The following FHIP1A variants were observed in gnomAD, a reference collection of about 807,000 sequenced individuals.
The protein encoded by FHIP1A is FHF complex subunit HOOK interacting protein 1A, also known as FHF complex subunit HOOK-interacting protein 1A.
In FHIP1A, 61 loss-of-function variants were observed where a neutral mutation model predicts 88.6. That is an observed-to-expected ratio of 0.69 (90% confidence interval 0.56 to 0.85). The LOEUF is 0.85. Among genes scored for constraint, FHIP1A ranks in the 40% least tolerant of loss-of-function variants. FHIP1A has a pLI of 0.00. For synonymous variants in FHIP1A, 478 were observed against 496.0 expected (o/e 0.96, Z 0.48); for missense variants, 1,154 against 1,273.5 (o/e 0.91, Z 1.43).
chr4:151,543,873 A>G (rs956974863), intron 3 of FHIP1A, among the ~76,000 whole-genome samples: 3 of 152,196 alleles, frequency 2.0e-5, no homozygotes, highest in African/African-American at 4.8e-5. Flanking sequence ...GACTTCTGGT[A>G]TGTTTGCAAA....
chr4:151,566,381 A>T lies in FHIP1A; in HGVS notation c.105+17A>T, dbSNP rs1336490431. 1 of 1,494,528 alleles carries T rather than the reference A, an allele frequency of 6.7e-7. No individual in the cohort carries two copies. Among genetic ancestry groups the T allele is most frequent in the East Asian group, 2.5e-5 (1 of 40,614 alleles). 92.6% of individuals were successfully genotyped at this position (1,494,528 alleles called of 1,614,324 possible). ...TGGGCACAGGTAATGTATGAATTCC[A>T]CTTTTTTTGCTGGTCTCAGTAACCC... is the stretch of plus-strand genomic sequence containing the variant. On this transcript the variant is annotated intron_variant, in intron 4 of 13. Transcript: ENST00000435205.
chr4:151,477,913 A>G (rs1366387505), intron 2 of FHIP1A, among the ~76,000 whole-genome samples: 4 of 152,286 alleles, frequency 2.6e-5, no homozygotes, highest in South Asian at 4.1e-4. Context: ...AAAATTTCAT[A>G]TTGCTTTATC....
At chr4:151,638,795 C>A in intron 9 of FHIP1A, 39 bp downstream of exon 9, 1 of 1,091,770 alleles carries the variant, frequency 9.2e-7, no homozygotes, top group Non-Finnish European at 1.3e-6. Flanking sequence ...GAAAAATTCA[C>A]TTTATACTTT....
At chr4:151,655,081 A>G (rs1386556808) in intron 11 of FHIP1A, among the ~76,000 whole-genome samples, 1 of 152,246 alleles carries the variant, frequency 6.6e-6, no homozygotes, top group African/African-American at 2.4e-5. Context: ...GGGCTTCTGA[A>G]TGAAGGAAGC....
At chr4:151,575,024 T>C (rs1733732226) in intron 4 of FHIP1A, among the ~76,000 whole-genome samples, 1 of 152,188 alleles carries the variant, frequency 6.6e-6, no homozygotes, top group African/African-American at 2.4e-5. Flanking sequence ...CAGGAACAAT[T>C]TTATAGCTCC....
chr4:151,441,619 C>G (rs931078970), intron 1 of FHIP1A, among the ~76,000 whole-genome samples: 12 of 152,170 alleles, frequency 7.9e-5, no homozygotes, highest in African/African-American at 2.7e-4. Context: ...TCAAAATATT[C>G]ATTCTTCAGG....
intron 7 of FHIP1A, among the ~76,000 whole-genome samples, chr4:151,602,687 T>C (rs1734920510): frequency 1.3e-5 from 2 of 152,082 alleles, no homozygotes; most frequent in Non-Finnish European, 2.9e-5. Context: ...CAGGTGAACA[T>C]TGATATCCAT....
At chr4:151,604,420 T>C (rs1253406027) in intron 7 of FHIP1A, among the ~76,000 whole-genome samples, 1 of 152,186 alleles carries the variant, frequency 6.6e-6, no homozygotes, top group Non-Finnish European at 1.5e-5. Context: ...ACAGGGGTAC[T>C]AGGAGATATT....
At chr4:151,493,978 A>G (rs936836410) in intron 3 of FHIP1A, among the ~76,000 whole-genome samples, 1 of 152,208 alleles carries the variant, frequency 6.6e-6, no homozygotes, top group African/African-American at 2.4e-5. Context: ...AACCAGAGCA[A>G]TCAGACAAGA....
intron 3 of FHIP1A, among the ~76,000 whole-genome samples, chr4:151,515,040 A>T (rs1365414917): frequency 2.0e-5 from 3 of 152,068 alleles, no homozygotes; most frequent in Admixed American, 2.0e-4. Flanking sequence ...ATGAACATTG[A>T]TGCAAAAATC....
intron 3 of FHIP1A, among the ~76,000 whole-genome samples, chr4:151,519,375 CATA>C (rs1731373475): frequency 6.6e-6 from 1 of 152,128 alleles, no homozygotes; most frequent in Non-Finnish European, 1.5e-5. Context: ...TTTCACTCAT[CATA>C]ATGTTTTTGA....
At chr4:151,634,559 A>G (rs533014997) in intron 8 of FHIP1A, among the ~76,000 whole-genome samples, 3 of 151,984 alleles carry the variant, frequency 2.0e-5, no homozygotes, top group Admixed American at 6.6e-5. Flanking sequence ...ATAAAGACCA[A>G]TGAAACAGAA....
intron 4 of FHIP1A, among the ~76,000 whole-genome samples, chr4:151,572,970 G>C (rs1733650668): frequency 6.6e-6 from 1 of 152,282 alleles, no homozygotes; most frequent in East Asian, 1.9e-4. Flanking sequence ...TTTAGAATTT[G>C]TGGCCATTTG....
intron 3 of FHIP1A, among the ~76,000 whole-genome samples, chr4:151,563,926 A>G (rs1173740251): frequency 1.3e-5 from 2 of 152,014 alleles, no homozygotes; most frequent in Non-Finnish European, 2.9e-5. Context: ...CCAGGAGTTC[A>G]AGGCTGCAGT....
intron 3 of FHIP1A, among the ~76,000 whole-genome samples, chr4:151,548,295 C>T (rs371259216): frequency 1.1e-4 from 17 of 152,244 alleles, no homozygotes; most frequent in Admixed American, 4.6e-4. Flanking sequence ...ATTTAATAAG[C>T]GGGCTAATTC....
chr4:151,594,947 T>A (rs1734591558), intron 7 of FHIP1A, among the ~76,000 whole-genome samples: 1 of 152,196 alleles, frequency 6.6e-6, no homozygotes, highest in Admixed American at 6.5e-5. Context: ...TAGCAGTCTA[T>A]CTATTTTGTT....
intron 9 of FHIP1A, among the ~76,000 whole-genome samples, chr4:151,642,225 G>A (rs1209830674): frequency 6.6e-6 from 1 of 152,216 alleles, no homozygotes; most frequent in African/African-American, 2.4e-5. Flanking sequence ...TCTCTGCCAT[G>A]TGCCTGGAAC....
intron 4 of FHIP1A, among the ~76,000 whole-genome samples, chr4:151,575,418 G>C (rs769969086): frequency 6.6e-6 from 1 of 152,154 alleles, no homozygotes; most frequent in Non-Finnish European, 1.5e-5. Context: ...CCAGGTCCCA[G>C]TGTTGCTGCT....
intron 3 of FHIP1A, among the ~76,000 whole-genome samples, chr4:151,525,458 C>G (rs1260165325): frequency 6.6e-6 from 1 of 152,232 alleles, no homozygotes; most frequent in Admixed American, 6.5e-5. Flanking sequence ...CCAGGCTCAT[C>G]TGATGCCAAA....
Sources: gnomAD v4.1 joint callset for allele counts (sites outside exome capture counted in the v4.1 genomes callset) on GRCh38, gnomAD v4.1.1 for gene constraint, MANE v1.5 for transcripts, NCBI Gene and HGNC (gene_info 2026-07-23, HGNC 2026-07-21) for gene names.